The following EPN2 variants were observed in gnomAD, a reference collection of about 807,000 sequenced individuals.
EPN2 encodes the protein epsin-2.
EPN2 carries 34 observed loss-of-function variants against 61.7 expected under a neutral mutation model. The ratio of observed to expected loss-of-function variants is 0.55; its 90% CI spans 0.42 to 0.73. The LOEUF is 0.73. Ranked by LOEUF, EPN2 falls within the 30% of genes least tolerant of loss-of-function variation. The probability of loss-of-function intolerance (pLI) is 0.00; values close to 1 mark genes in which losing one functional copy is unlikely to be tolerated. For synonymous variants in EPN2, 349 were observed against 353.6 expected, an observed-to-expected ratio of 0.99 and a Z score of 0.15; for missense variants, 714 against 839.2, an observed-to-expected ratio of 0.85 and a Z score of 1.84.
intron 1 of EPN2, among the ~76,000 whole-genome samples, chr17:19,255,947 A>G (rs1310485962): frequency 6.7e-6 from 1 of 150,268 alleles, no homozygotes; most frequent in East Asian, 2.0e-4. Context: ...TTTTTTATTT[A>G]TTTTTTTTGA....
chr17:19,278,356 C>G (rs2045328977), intron 1 of EPN2, among the ~76,000 whole-genome samples: 1 of 152,112 alleles, frequency 6.6e-6, no homozygotes, highest in Non-Finnish European at 1.5e-5. Flanking sequence ...TTTAATTGGA[C>G]TTACAGTTCC....
chr17:19,321,873 C>T (rs938716580), intron 7 of EPN2, among the ~76,000 whole-genome samples: 3 of 152,148 alleles, frequency 2.0e-5, no homozygotes, highest in African/African-American at 7.2e-5. Context: ...CACAGCTCTT[C>T]GGCTTGCAGT....
Position 19,335,925 on chromosome 17 carries a change from T to C in EPN2, c.*1671T>C, listed in dbSNP as rs572662403. The C allele has an allele frequency of 8.5e-4, 130 of 153,080 alleles. No homozygotes were observed. Among genetic ancestry groups the C allele is most frequent in the Non-Finnish European group, 1.4e-3 (97 of 68,642 alleles). The allele number at this position is 153,080 out of a possible 1,614,324, so 9.5% of individuals were successfully genotyped here. ...GTGTCTGGGCAGCTTGCCTGGTGGATGTTTCTGGCCCTTTTTCCACCATGG... is the reference window on the plus strand; with the variant it reads ...GTGTCTGGGCAGCTTGCCTGGTGGACGTTTCTGGCCCTTTTTCCACCATGG... On this transcript the variant is annotated 3_prime_UTR_variant, in exon 11 of 11. Transcript: ENST00000314728.
chr17:19,249,990 T>A (rs372235151), intron 1 of EPN2, among the ~76,000 whole-genome samples: 1 of 152,188 alleles, frequency 6.6e-6, no homozygotes, highest in African/African-American at 2.4e-5. Flanking sequence ...TCTCTGACCC[T>A]GACTCTTCTG....
rs748892358 is a variant in EPN2, at chr17:19,244,077, A to G, written c.-294+6546A>G. ...GGAGAGAAGATGTCATTGTCCTTCAAAAAGGCTGTAAATCTTGGATGCTGT... is the reference window on the plus strand; with the variant it reads ...GGAGAGAAGATGTCATTGTCCTTCAGAAAGGCTGTAAATCTTGGATGCTGT... On this transcript the variant is annotated intron_variant, in intron 1 of 10. Transcript: ENST00000314728. 3.3e-5 allele frequency among the ~76,000 whole-genome samples: 5 copies of G among 152,244 alleles called. No individual in the cohort carries two copies. In the South Asian group the frequency reaches 8.3e-4, roughly 25 times the overall value.
intron 1 of EPN2, among the ~76,000 whole-genome samples, chr17:19,275,414 G>A (rs1056913770): frequency 6.6e-6 from 1 of 152,222 alleles, no homozygotes; most frequent in Non-Finnish European, 1.5e-5. Flanking sequence ...ACCACGTGTT[G>A]TTATGTCTTG....
chr17:19,320,229 C>G (rs1005112779), intron 7 of EPN2, among the ~76,000 whole-genome samples: 1 of 152,256 alleles, frequency 6.6e-6, no homozygotes, highest in East Asian at 1.9e-4. Context: ...GCCTCTTGCC[C>G]TCTTGCCATT....
chr17:19,319,655 T>A (rs1482789365), intron 7 of EPN2, among the ~76,000 whole-genome samples: 2 of 151,258 alleles, frequency 1.3e-5, no homozygotes, highest in Non-Finnish European at 3.0e-5. Flanking sequence ...TTTTTATTTT[T>A]ATTTTTTTTT....
At chr17:19,278,512 A>C (rs1465697815) in intron 1 of EPN2, among the ~76,000 whole-genome samples, 1 of 152,154 alleles carries the variant, frequency 6.6e-6, no homozygotes, top group Non-Finnish European at 1.5e-5. Flanking sequence ...CTATCACAGG[A>C]ATAGCATGGG....
chr17:19,239,222 A>C (rs1048589167), intron 1 of EPN2, among the ~76,000 whole-genome samples: 3 of 152,220 alleles, frequency 2.0e-5, no homozygotes, highest in Non-Finnish European at 4.4e-5. Context: ...ATCTCGGCTC[A>C]CCGAAACCTC....
chr17:19,261,561 C>G (rs2045142099), intron 1 of EPN2, among the ~76,000 whole-genome samples: 1 of 152,212 alleles, frequency 6.6e-6, no homozygotes, highest in Non-Finnish European at 1.5e-5. Flanking sequence ...TCCTCCCCTT[C>G]CCTCTGCCCC....
At chr17:19,328,605 A>C in intron 7 of EPN2, 106 bp from the exon 8 acceptor site, 3 of 1,080,270 alleles carry the variant, frequency 2.8e-6, no homozygotes, top group Non-Finnish European at 3.9e-6. Context: ...CTCACCTGGC[A>C]CAGGGCATAG....
intron 4 of EPN2, among the ~76,000 whole-genome samples, chr17:19,308,776 TC>T (rs1434816314): frequency 6.6e-6 from 1 of 152,170 alleles, no homozygotes; most frequent in African/African-American, 2.4e-5. Context: ...GGCACATACT[TC>T]TAAAACTACA....
intron 1 of EPN2, among the ~76,000 whole-genome samples, chr17:19,242,267 T>C (rs1270038798): frequency 6.6e-6 from 1 of 151,994 alleles, no homozygotes; most frequent in Non-Finnish European, 1.5e-5. Flanking sequence ...GGCAAAACCC[T>C]GTCTTGACCA....
At chr17:19,318,598 G>A (rs1399175556) in intron 7 of EPN2, among the ~76,000 whole-genome samples, 1 of 145,206 alleles carries the variant, frequency 6.9e-6, no homozygotes, top group Non-Finnish European at 1.5e-5. Context: ...GCCAAAACTT[G>A]TAGTTTCAAC....
chr17:19,245,503 C>G (rs2044936284), intron 1 of EPN2, among the ~76,000 whole-genome samples: 1 of 148,218 alleles, frequency 6.7e-6, no homozygotes, highest in Non-Finnish European at 1.5e-5. Flanking sequence ...GCGGCGGGAT[C>G]TCAGCTCACT....
chr17:19,274,907 T>G (rs2045291283), intron 1 of EPN2, among the ~76,000 whole-genome samples: 1 of 152,204 alleles, frequency 6.6e-6, no homozygotes, highest in Non-Finnish European at 1.5e-5. Context: ...TTTTGTTTAG[T>G]CTCTTTTCAG....
At chr17:19,245,653 T>C (rs1426337046) in intron 1 of EPN2, among the ~76,000 whole-genome samples, 1 of 149,954 alleles carries the variant, frequency 6.7e-6, no homozygotes, top group African/African-American at 2.5e-5. Flanking sequence ...GCCAGGATGG[T>C]CTTGATCTCT....
chr17:19,246,438 A>G (rs1016206267), intron 1 of EPN2, among the ~76,000 whole-genome samples: 1 of 152,074 alleles, frequency 6.6e-6, no homozygotes, highest in Non-Finnish European at 1.5e-5. Context: ...CCAATGGGTA[A>G]TTTTCTCTCT....
Sources: allele counts gnomAD v4.1 joint callset (sites outside exome capture counted in the v4.1 genomes callset), GRCh38; gene constraint gnomAD v4.1.1; transcripts MANE v1.5; gene names NCBI Gene and HGNC (gene_info 2026-07-23, HGNC 2026-07-21).